The following FGD1 variants were observed in gnomAD, a reference collection of about 807,000 sequenced individuals.
The protein encoded by FGD1 is FYVE, RhoGEF and PH domain containing 1.
Under a neutral mutation model 65.0 loss-of-function variants are expected in FGD1, and 12 were observed. That is an observed-to-expected ratio of 0.18 (90% CI 0.12 to 0.30). The LOEUF (loss-of-function observed/expected upper bound fraction) is 0.30. Among genes scored for constraint, FGD1 ranks in the 10% least tolerant of loss-of-function variants. The pLI, the probability that FGD1 is intolerant of heterozygous loss-of-function variation, is 1.00. For missense variants in FGD1, 542 were observed against 837.6 expected, an observed-to-expected ratio of 0.65 and a Z score of 4.36; for synonymous variants, 333 against 343.9, an observed-to-expected ratio of 0.97 and a Z score of 0.35.
intron 1 of FGD1, among the ~76,000 whole-genome samples, chrX:54,482,230 ACGCGCG>A (rs1179897715): frequency 7.8e-5 from 8 of 102,136 alleles, no homozygotes; most frequent in African/African-American, 3.0e-4. Flanking sequence ...GCGCGCGCAC[ACGCGCG>A]CACACACACA....
At chrX:54,468,075 G>T in intron 5 of FGD1, 143 bp from the exon 6 acceptor site, 1 of 536,940 alleles carries the variant, frequency 1.9e-6, no homozygotes, top group South Asian at 2.9e-5. Context: ...ATGGGGTTAG[G>T]GTTATATATT....
At chrX:54,482,201 C>T (rs1923156921) in intron 1 of FGD1, among the ~76,000 whole-genome samples, 1 of 110,084 alleles carries the variant, frequency 9.1e-6, no homozygotes, top group Non-Finnish European at 1.9e-5. Flanking sequence ...TCCACGGGGA[C>T]AAAGAAGGCC....
At chrX:54,454,107 C>T (rs978957515) in intron 12 of FGD1, among the ~76,000 whole-genome samples, 13 of 111,373 alleles carry the variant, frequency 1.2e-4, no homozygotes, top group African/African-American at 2.6e-4. Context: ...CATACAGTCA[C>T]GCGTCACTTA....
At chrX:54,474,211 T>C (rs1015763182) in intron 1 of FGD1, among the ~76,000 whole-genome samples, 6 of 111,803 alleles carry the variant, frequency 5.4e-5, no homozygotes, top group African/African-American at 2.0e-4. Flanking sequence ...ATACACACAC[T>C]GTGGGACACT....
intron 1 of FGD1, among the ~76,000 whole-genome samples, chrX:54,484,947 G>A (rs901136595): frequency 8.9e-6 from 1 of 112,893 alleles, no homozygotes; most frequent in Non-Finnish European, 1.9e-5. Context: ...GGGTTTGTGT[G>A]GGGCATTGTT....
intron 1 of FGD1, among the ~76,000 whole-genome samples, chrX:54,473,621 C>G (rs6614242): frequency 1.8e-5 from 2 of 112,351 alleles, no homozygotes; most frequent in East Asian, 2.8e-4. Flanking sequence ...AAACCCAGTA[C>G]AGTATAACAA....
At chrX:54,449,797 C>T (rs1489029823) in intron 13 of FGD1, 37 bp from the exon 14 acceptor site, 3 of 953,774 alleles carry the variant, frequency 3.1e-6, no homozygotes, top group South Asian at 3.9e-5. Context: ...AGTCAGATCA[C>T]CCCACAAACT....
chrX:54,450,111 C>T (rs1481020168), intron 13 of FGD1, among the ~76,000 whole-genome samples, 160 bp downstream of exon 13: 1 of 111,716 alleles, frequency 9.0e-6, no homozygotes, highest in Non-Finnish European at 1.9e-5. Flanking sequence ...ACCTCTGCAC[C>T]TCAGTTTGCT....
chrX:54,448,757 G>T (rs1922303579), intron 16 of FGD1, 49 bp downstream of exon 16: 14 of 1,182,177 alleles, frequency 1.2e-5, no homozygotes, highest in Non-Finnish European at 1.6e-5. Flanking sequence ...GGGTAGAGTT[G>T]GAACCCATTT....
intron 7 of FGD1, 39 bp from the exon 8 acceptor site, chrX:54,465,628 C>T: frequency 8.3e-7 from 1 of 1,210,903 alleles, no homozygotes; most frequent in Non-Finnish European, 1.1e-6. Flanking sequence ...GATCTGGCTG[C>T]AGATGCCCCA....
chrX:54,453,409 CACCATG>C, intron 12 of FGD1, among the ~76,000 whole-genome samples: 1 of 111,743 alleles, frequency 8.9e-6, no homozygotes, highest in East Asian at 2.8e-4. Context: ...CTCTGGCCCT[CACCATG>C]ACCCTGATAC....
chrX:54,463,499 C>A (rs1922684953), intron 8 of FGD1, among the ~76,000 whole-genome samples: 1 of 112,010 alleles, frequency 8.9e-6, no homozygotes, highest in African/African-American at 3.2e-5. Flanking sequence ...CAAAAGGCTT[C>A]TAACTGATCT....
At chrX:54,465,647 C>T (rs1220035934) in intron 7 of FGD1, 49 bp downstream of exon 7, 1 of 1,211,095 alleles carries the variant, frequency 8.3e-7, no homozygotes, top group East Asian at 3.0e-5. Flanking sequence ...CACCACATCC[C>T]TGCAGACCTC....
chrX:54,480,013 A>G (rs1314786591), intron 1 of FGD1, among the ~76,000 whole-genome samples: 1 of 112,139 alleles, frequency 8.9e-6, no homozygotes, highest in East Asian at 2.8e-4. Flanking sequence ...CCTTCCCTGA[A>G]GTCGACTATT....
At chrX:54,452,286 A>AAC (rs1325320713) in intron 12 of FGD1, among the ~76,000 whole-genome samples, 3 of 107,859 alleles carry the variant, frequency 2.8e-5, no homozygotes, top group Non-Finnish European at 5.8e-5. Context: ...AAAAAAAAAA[A>AAC]AAAAGAACTA....
chrX:54,487,815 T>G (rs1342744131), intron 1 of FGD1, among the ~76,000 whole-genome samples: 1 of 109,391 alleles, frequency 9.1e-6, no homozygotes, highest in Non-Finnish European at 1.9e-5. Flanking sequence ...CCAAGCATGG[T>G]GGCGGGCGCC....
chrX:54,460,888 G>A (rs1394046349), intron 8 of FGD1, among the ~76,000 whole-genome samples: 2 of 112,590 alleles, frequency 1.8e-5, no homozygotes, highest in Non-Finnish European at 3.8e-5. Context: ...TTTACCATGT[G>A]CCAGGCATTG....
chrX:54,463,400 GA>G (rs1922682797), intron 8 of FGD1, among the ~76,000 whole-genome samples: 1 of 111,468 alleles, frequency 9.0e-6, no homozygotes, highest in African/African-American at 3.3e-5. Context: ...TGCTGCTTCT[GA>G]AAAGAATGTA....
At chrX:54,469,071 C>T (rs1285806672) in intron 4 of FGD1, among the ~76,000 whole-genome samples, 195 bp from the exon 5 acceptor site, 2 of 111,203 alleles carry the variant, frequency 1.8e-5, no homozygotes, top group Non-Finnish European at 3.8e-5. Context: ...AAGCCTACCC[C>T]TCCATTCTGA....
Sources: allele counts gnomAD v4.1 joint callset (sites outside exome capture counted in the v4.1 genomes callset), GRCh38; gene constraint gnomAD v4.1.1; transcripts MANE v1.5; gene names NCBI Gene and HGNC (gene_info 2026-07-23, HGNC 2026-07-21).